Variants in MEIG1 observed in about 807,000 individuals in gnomAD.
MEIG1 encodes the protein meiosis/spermiogenesis associated 1, also known as meiosis expressed gene 1 protein homolog.
MEIG1 carries 12 observed loss-of-function variants against 11.3 expected under a neutral mutation model. The ratio of observed to expected loss-of-function variants is 1.07; its 90% CI spans 0.68 to 1.73. The LOEUF (loss-of-function observed/expected upper bound fraction) is 1.73. MEIG1 is among the 40% of genes most tolerant of loss of function. The pLI, the probability that MEIG1 is intolerant of heterozygous loss-of-function variation, is 0.00. For missense variants in MEIG1, 119 were observed against 104.9 expected (o/e 1.13, Z -0.59); for synonymous variants, 41 against 33.2 (o/e 1.24, Z -0.81).
downstream of MEIG1, among the ~76,000 whole-genome samples, chr10:14,973,356 A>G (rs907974534): frequency 6.6e-6 from 1 of 152,192 alleles, no homozygotes; most frequent in African/African-American, 2.4e-5. Context: ...CTTGTGGCCC[A>G]AGGTCTTTCT....
chr10:14,985,850 T>C (rs151068555), intron 1 of MEIG1, among the ~76,000 whole-genome samples: 2,208 of 152,152 alleles, frequency 0.015, 62 homozygotes, highest in African/African-American at 0.046. Context: ...TACCCTGTGA[T>C]AGTATTCATA....
chr10:14,984,262 G>GT (rs1843296017), intron 1 of MEIG1, among the ~76,000 whole-genome samples: 2 of 151,598 alleles, frequency 1.3e-5, no homozygotes, highest in Non-Finnish European at 2.9e-5. Context: ...GGAGAGGGGG[G>GT]TGATATTACT....
chr10:14,984,112 G>T (rs115802018), intron 1 of MEIG1, among the ~76,000 whole-genome samples: 2 of 152,058 alleles, frequency 1.3e-5, no homozygotes, highest in Non-Finnish European at 2.9e-5. Context: ...AGGCGGAAAA[G>T]ATATTATTGA....
intron 1 of MEIG1, among the ~76,000 whole-genome samples, chr10:14,959,791 G>C (rs1043816264): frequency 1.3e-4 from 20 of 152,234 alleles, no homozygotes; most frequent in African/African-American, 4.1e-4. Context: ...GGAAGTTTCC[G>C]GGCCGCCCCG....
intron 2 of MEIG1, 152 bp from the exon 3 acceptor site, chr10:14,972,361 T>G: frequency 1.1e-6 from 1 of 925,192 alleles, no homozygotes; most frequent in Non-Finnish European, 1.6e-6. Context: ...AGATGTGTCT[T>G]GTGGGTATCA....
chr10:14,969,385 C>G (rs910323732), intron 2 of MEIG1, among the ~76,000 whole-genome samples: 2 of 150,290 alleles, frequency 1.3e-5, no homozygotes, highest in African/African-American at 4.9e-5. Context: ...GAGATCGAGG[C>G]TGCAGTGACC....
At chr10:14,967,252 T>C (rs544996522) in intron 2 of MEIG1, among the ~76,000 whole-genome samples, 1 of 152,298 alleles carries the variant, frequency 6.6e-6, no homozygotes, top group Non-Finnish European at 1.5e-5. Flanking sequence ...TGGGTAACTA[T>C]TATTTCCCTC....
intron 1 of MEIG1, among the ~76,000 whole-genome samples, chr10:14,961,445 A>G (rs1171043693): frequency 6.6e-6 from 1 of 151,908 alleles, no homozygotes; most frequent in Non-Finnish European, 1.5e-5. Flanking sequence ...CTGTTTGTGG[A>G]GCTACAACTT....
intron 1 of MEIG1, among the ~76,000 whole-genome samples, chr10:14,984,466 A>G (rs1237067100): frequency 6.6e-6 from 1 of 152,144 alleles, no homozygotes; most frequent in African/African-American, 2.4e-5. Flanking sequence ...TATTCACAGT[A>G]TCCTAGCGGG....
At chr10:14,955,119 A>C (rs946398510), upstream of MEIG1, among the ~76,000 whole-genome samples, 1 of 152,024 alleles carries the variant, frequency 6.6e-6, no homozygotes, top group Non-Finnish European at 1.5e-5. Flanking sequence ...TTTAGCAGAG[A>C]CGGGGTTTCA....
At chr10:14,965,066 G>A (rs553925621) in intron 1 of MEIG1, among the ~76,000 whole-genome samples, 21 of 150,382 alleles carry the variant, frequency 1.4e-4, no homozygotes, top group Admixed American at 4.7e-4. Context: ...TTACAGGCTC[G>A]AGCCACCATG....
chr10:14,958,388 T>C (rs1049740974), upstream of MEIG1, among the ~76,000 whole-genome samples: 2 of 152,236 alleles, frequency 1.3e-5, no homozygotes, highest in African/African-American at 4.8e-5. Flanking sequence ...TAATTTGTGA[T>C]ATGTCTTGTG....
intron 1 of MEIG1, among the ~76,000 whole-genome samples, chr10:14,984,255 GA>G (rs1415455975): frequency 6.6e-6 from 1 of 151,068 alleles, no homozygotes; most frequent in Non-Finnish European, 1.5e-5. Context: ...CAGGGTGGGA[GA>G]GGGGGGTGAT....
Position 14,972,619 on chromosome 10 carries a change from A to G in MEIG1, c.245A>G (p.Lys82Arg). 1 of 1,611,764 alleles carries G rather than the reference A, an allele frequency of 6.2e-7. No individual in the cohort carries two copies. Among genetic ancestry groups the G allele is most frequent in the Non-Finnish European group, 8.5e-7 (1 of 1,179,004 alleles). Residue 82 changes from lysine (K) to arginine (R), a missense_variant, in exon 3 of 3, where the codon AAA becomes AGA. Transcript: ENST00000407572. ...GAATGTGATGACAAAGAAGTCCACA[A>G]AGTGAAAATTTATGCTTACTAGCCT... ...QRECDDKEVHKVKIYAY is the reference protein window; with the variant it reads ...QRECDDKEVHRVKIYAY
At chr10:14,975,825 T>G (rs771929619), downstream of MEIG1, among the ~76,000 whole-genome samples, 9 of 151,980 alleles carry the variant, frequency 5.9e-5, no homozygotes, top group East Asian at 1.9e-4. Flanking sequence ...TGGTCCTAAT[T>G]TCAACATGGG....
At chr10:14,957,430 T>C (rs891391450), upstream of MEIG1, among the ~76,000 whole-genome samples, 1 of 152,116 alleles carries the variant, frequency 6.6e-6, no homozygotes, top group African/African-American at 2.4e-5. Flanking sequence ...ATATATCCCT[T>C]TAGCACCTAC....
At chr10:14,971,956 T>A (rs992455498) in intron 2 of MEIG1, among the ~76,000 whole-genome samples, 13 of 150,660 alleles carry the variant, frequency 8.6e-5, no homozygotes, top group Non-Finnish European at 1.8e-4. Context: ...GTCTCCAAAA[T>A]AAAACAAAAT....
At chr10:14,969,223 G>A (rs1011614460) in intron 2 of MEIG1, among the ~76,000 whole-genome samples, 4 of 152,102 alleles carry the variant, frequency 2.6e-5, no homozygotes. Context: ...GAGGGTGAAG[G>A]ATTGCTTGAG....
At chr10:14,983,275 G>A (rs1329208479) in intron 1 of MEIG1, among the ~76,000 whole-genome samples, 5 of 152,128 alleles carry the variant, frequency 3.3e-5, no homozygotes, top group Admixed American at 2.0e-4. Context: ...ATTCACGGAA[G>A]AAGAGAATGC....
Sources: allele counts gnomAD v4.1 joint callset (sites outside exome capture counted in the v4.1 genomes callset), GRCh38; gene constraint gnomAD v4.1.1; transcripts MANE v1.5; gene names NCBI Gene and HGNC (gene_info 2026-07-23, HGNC 2026-07-21).